BPI: variants seen among roughly 807,000 people sequenced by gnomAD.
BPI encodes the protein bactericidal permeability increasing protein.
BPI carries 48 observed loss-of-function variants against 57.6 expected under a neutral mutation model. That is an observed-to-expected ratio of 0.83 (90% confidence interval 0.66 to 1.06). The LOEUF (loss-of-function observed/expected upper bound fraction) is 1.06, where lower values mean the gene tolerates loss of function less well. BPI is among the 50% of genes least tolerant of loss of function. BPI has a pLI of 0.00. For synonymous variants in BPI, 237 were observed against 238.2 expected (o/e 0.99, Z 0.05); for missense variants, 651 against 609.7 (o/e 1.07, Z -0.71).
At position 38,309,075 on chromosome 20, in the gene BPI, G is replaced by A; in HGVS notation, c.374+17G>A. The A allele has an allele frequency of 6.2e-7, 1 of 1,613,938 alleles. No homozygotes were observed. Among genetic ancestry groups the A allele is most frequent in the Non-Finnish European group, 8.5e-7 (1 of 1,179,856 alleles). On this transcript the variant is annotated intron_variant, in intron 3 of 14. Coordinates refer to ENST00000642449, the MANE Select transcript of BPI (RefSeq NM_001725.3). ...GAGATTCTTGTGCGTTTCCATGCTTGCGGTTTGTTGGGTGTGCTCTTGGTG... is the reference window on the plus strand; with the variant it reads ...GAGATTCTTGTGCGTTTCCATGCTTACGGTTTGTTGGGTGTGCTCTTGGTG...
chr20:38,327,532 C>A, intron 10 of BPI, 56 bp from the exon 11 acceptor site: 2 of 1,596,648 alleles, frequency 1.3e-6, no homozygotes, highest in Non-Finnish European at 1.7e-6. Flanking sequence ...GGTTTGGAGG[C>A]CTTGCAATCA....
At chr20:38,332,294 G>A (rs961685915) in intron 12 of BPI, among the ~76,000 whole-genome samples, 2 of 152,276 alleles carry the variant, frequency 1.3e-5, no homozygotes, top group Non-Finnish European at 2.9e-5. Context: ...CCTGGCTGGG[G>A]TGGGGGGATA....
intron 2 of BPI, among the ~76,000 whole-genome samples, chr20:38,308,179 CTG>C (rs1238978163): frequency 1.3e-5 from 2 of 152,174 alleles, no homozygotes; most frequent in African/African-American, 2.4e-5. Flanking sequence ...GCTCAGCACT[CTG>C]AACAAAGAGC....
chr20:38,307,542 T>C (rs2076602668), intron 1 of BPI, 25 bp from the exon 2 acceptor site: 9 of 1,562,824 alleles, frequency 5.8e-6, no homozygotes, highest in African/African-American at 2.7e-5. Flanking sequence ...TGCCTCTCAC[T>C]GTCACCCCTG....
chr20:38,322,234 T>A (rs1030130744), intron 7 of BPI, among the ~76,000 whole-genome samples: 1 of 152,138 alleles, frequency 6.6e-6, no homozygotes, highest in Non-Finnish European at 1.5e-5. Context: ...ATCCTTGCAA[T>A]CGTGTCTCTG....
At chr20:38,332,939 G>C (rs897328210) in intron 12 of BPI, among the ~76,000 whole-genome samples, 2 of 152,018 alleles carry the variant, frequency 1.3e-5, no homozygotes, top group Non-Finnish European at 2.9e-5. Flanking sequence ...TTGCTACATT[G>C]ACCTGAATCT....
chr20:38,316,262 G>C (rs963139240), intron 5 of BPI, among the ~76,000 whole-genome samples: 1 of 151,782 alleles, frequency 6.6e-6, no homozygotes, highest in African/African-American at 2.4e-5. Context: ...AAAATAACTT[G>C]ATTGGCAGTG....
intron 4 of BPI, among the ~76,000 whole-genome samples, chr20:38,311,414 C>G (rs2076621326): frequency 6.6e-6 from 1 of 152,212 alleles, no homozygotes. Context: ...CGCAGAGAAC[C>G]AGAGGCTCTG....
intron 4 of BPI, among the ~76,000 whole-genome samples, chr20:38,311,449 C>A (rs1423250841): frequency 6.6e-6 from 1 of 152,232 alleles, no homozygotes; most frequent in African/African-American, 2.4e-5. Flanking sequence ...CAGGCCAATT[C>A]TTCCTTGGTG....
At chr20:38,320,661 T>TACACACACAC (rs369329923) in intron 7 of BPI, among the ~76,000 whole-genome samples, 6,351 of 130,734 alleles carry the variant, frequency 0.049, 271 homozygotes, top group African/African-American at 0.094. Context: ...TTATTACCAA[T>TACACACACAC]ACACACACAC....
Position 38,331,109 on chromosome 20 carries a change from G to C in BPI, c.1272+19G>C, listed in dbSNP as rs2076740263. 6.2e-7 allele frequency: 1 copy of C among 1,613,494 alleles called. No homozygotes were observed. Among genetic ancestry groups the C allele is most frequent in the Non-Finnish European group, 8.5e-7 (1 of 1,179,468 alleles). ...CTTCCCGGTGAGTCTGAGGCCCTTG[G>C]TGGCTTCTTCCTCCTTCTGACCTGG... is the stretch of plus-strand genomic sequence containing the variant. On this transcript the variant is annotated intron_variant, in intron 12 of 14. Transcript: ENST00000642449.
chr20:38,322,146 A>G (rs561363758), intron 7 of BPI, among the ~76,000 whole-genome samples: 1 of 152,324 alleles, frequency 6.6e-6, no homozygotes, highest in East Asian at 1.9e-4. Flanking sequence ...GTGGTAATGT[A>G]CGAGGACAGT....
intron 13 of BPI, 111 bp from the exon 14 acceptor site, chr20:38,335,487 G>A: frequency 1.0e-6 from 1 of 966,878 alleles, no homozygotes; most frequent in Middle Eastern, 2.3e-4. Context: ...CCCTACCTAG[G>A]GCCAGGCATG....
chr20:38,322,389 G>T (rs774050902), intron 7 of BPI, among the ~76,000 whole-genome samples: 7 of 152,202 alleles, frequency 4.6e-5, no homozygotes, highest in Non-Finnish European at 8.8e-5. Flanking sequence ...AATAAGAAAG[G>T]TCTTGTTTAT....
At chr20:38,335,522 A>G in intron 13 of BPI, 76 bp from the exon 14 acceptor site, 1 of 1,362,182 alleles carries the variant, frequency 7.3e-7, no homozygotes, top group Non-Finnish European at 1.0e-6. Flanking sequence ...CTGTCTACCC[A>G]GGCTCTCTGG....
chr20:38,331,208 G>A lies in BPI; in HGVS notation c.1272+118G>A, dbSNP rs547659712. 1.0e-5 allele frequency: 13 copies of A among 1,277,960 alleles called. No individual in the cohort carries two copies. In the South Asian group the frequency reaches 1.4e-4, roughly 14 times the overall value. 79.2% of individuals were successfully genotyped at this position (1,277,960 alleles called of 1,614,324 possible). A position where few individuals can be genotyped will look rare whatever the true frequency, so the allele number is the denominator to read the frequency against. ...TACTGGCTCATTTGCATTTAATTTG[G>A]TTGTGAATTAATAGTTCAAGGAGCT... On this transcript the variant is annotated intron_variant, in intron 12 of 14. Coordinates refer to ENST00000642449, the MANE Select transcript of BPI (RefSeq NM_001725.3).
At chr20:38,334,903 C>G (rs1433502977) in intron 13 of BPI, among the ~76,000 whole-genome samples, 1 of 152,048 alleles carries the variant, frequency 6.6e-6, no homozygotes, top group Admixed American at 6.6e-5. Context: ...GAGGGGGTTC[C>G]CTGATAACCC....
At position 38,327,473 on chromosome 20, in the gene BPI, C is replaced by T. The variant is rs1600711052; in HGVS notation, c.1162-115C>T. ...ACTCCTCTGGCTCTGTGGGCCTGAC[C>T]CCACAGTGTATGCTGCCCTGCTGAG... On this transcript the variant is annotated intron_variant, in intron 10 of 14. Transcript: ENST00000642449. 1.2e-4 allele frequency: 138 copies of T among 1,140,534 alleles called. 1 individual carries two copies. In the East Asian group the frequency reaches 3.6e-3, roughly 30 times the overall value. The allele number at this position is 1,140,534 out of a possible 1,614,324, so 70.7% of individuals were successfully genotyped here.
intron 11 of BPI, among the ~76,000 whole-genome samples, chr20:38,329,144 G>A (rs1279227600): frequency 6.6e-6 from 1 of 152,122 alleles, no homozygotes; most frequent in African/African-American, 2.4e-5. Flanking sequence ...ACAAAGGAAG[G>A]AAGGGAGGGG....
Sources: allele counts gnomAD v4.1 joint callset (sites outside exome capture counted in the v4.1 genomes callset), GRCh38; gene constraint gnomAD v4.1.1; transcripts MANE v1.5; gene names NCBI Gene and HGNC (gene_info 2026-07-23, HGNC 2026-07-21).